Variants in PDIA4 observed in about 807,000 individuals in gnomAD.
PDIA4 encodes the protein protein disulfide-isomerase A4.
PDIA4 carries 33 observed loss-of-function variants against 62.1 expected under a neutral mutation model. That is an observed-to-expected ratio of 0.53 (90% CI 0.40 to 0.71). The LOEUF (loss-of-function observed/expected upper bound fraction) is 0.71, where lower values mean the gene tolerates loss of function less well. Among genes scored for constraint, PDIA4 ranks in the 30% least tolerant of loss-of-function variants. The pLI is 0.00. For missense variants in PDIA4, 804 were observed against 813.6 expected (o/e 0.99, Z 0.14); for synonymous variants, 341 against 324.1 (o/e 1.05, Z -0.56).
intron 3 of PDIA4, among the ~76,000 whole-genome samples, chr7:149,017,525 G>A (rs1443036815): frequency 3.3e-5 from 5 of 151,962 alleles, no homozygotes; most frequent in East Asian, 1.9e-4. Context: ...TGGAGGTTGC[G>A]GTGAGCTGAG....
chr7:149,026,047 A>G (rs756086570), intron 1 of PDIA4, among the ~76,000 whole-genome samples: 3 of 152,064 alleles, frequency 2.0e-5, no homozygotes, highest in Non-Finnish European at 4.4e-5. Flanking sequence ...AAGTACCTAG[A>G]CACCACTGTG....
At chr7:149,021,584 C>T (rs973760850) in intron 1 of PDIA4, among the ~76,000 whole-genome samples, 1 of 151,518 alleles carries the variant, frequency 6.6e-6, no homozygotes, top group African/African-American at 2.4e-5. Flanking sequence ...ACGTCATTGG[C>T]TGGTGACATC....
chr7:149,003,869 G>A lies in PDIA4; in HGVS notation c.1863C>T (p.Asp621=). 6.2e-7 allele frequency: 1 copy of A among 1,612,288 alleles called. No individual in the cohort carries two copies. ...KKNPVKFEGG[D]RDLEHLSKFI... ...ACTTGCTCAAATGCTCCAGATCTCTGTCTCCACCCTCAAATTTAACTGGGT... is the reference window on the plus strand; with the variant it reads ...ACTTGCTCAAATGCTCCAGATCTCTATCTCCACCCTCAAATTTAACTGGGT... The change falls in exon 10 of 10, where the codon GAC becomes GAT. Residue 621 remains aspartate (D), a synonymous_variant. Transcript: ENST00000652332.
In PDIA4 at chr7:149,004,012, C is replaced by A; in HGVS notation, c.1720G>T (p.Gly574Cys). Residue 574 changes from glycine to cysteine, a missense_variant, in exon 10 of 10, where the codon GGC (glycine) becomes TGC (cysteine). By Grantham distance (159) the Gly-to-Cys change is radical. Transcript: ENST00000652332. ...VYNSLAKKYK[G>C]QKGLVIAKMD... ...TTGGCGATGACCAGGCCCTTTTGGC[C>A]CTTGTACTTCTTGGCCAGGCTGTTG... 1 of 1,614,178 alleles carries A rather than the reference C, an allele frequency of 6.2e-7. No individual in the cohort carries two copies. Among genetic ancestry groups the A allele is most frequent in the East Asian group, 2.2e-5 (1 of 44,886 alleles).
In PDIA4 at chr7:149,017,685, C is replaced by T. The variant is rs376577459; in HGVS notation, c.475+1307G>A. Among the ~76,000 whole-genome samples the T allele has an allele frequency of 1.6e-4, 24 of 148,802 alleles. No individual in the cohort carries two copies. In the East Asian group the frequency reaches 2.6e-3, roughly 16 times the overall value. ...AAATACATTTTATCAAAATAAAATA[C>T]ATTTTATCAAAATAAAATTAAATAC... On this transcript the variant is annotated intron_variant, in intron 3 of 9. Transcript: ENST00000652332.
rs371567783 is a variant in PDIA4 at position 149,005,130 on chromosome 7, C to A, written c.1522+11G>T. On this transcript the variant is annotated intron_variant, in intron 9 of 9. Transcript: ENST00000652332. ...GCTGATGGGAGACCCCAGCCCCAGC[C>A]ACGGGCTCACCTTTTTTGAAAGCAG... is the stretch of plus-strand genomic sequence containing the variant. 6.9e-6 allele frequency: 11 copies of A among 1,601,024 alleles called. No homozygotes were observed. Among genetic ancestry groups the A allele is most frequent in the Admixed American group, 6.7e-5 (4 of 59,982 alleles).
Position 149,004,184 on chromosome 7 carries a change from G to A in PDIA4, c.1548C>T (p.Ser516=). 1 of 1,612,838 alleles carries A rather than the reference G, an allele frequency of 6.2e-7. No individual in the cohort carries two copies. The highest frequency in any genetic ancestry group is 2.2e-5 in the East Asian group (1 of 44,856). ...CCTTGTTGTTCTTGGGCACTGGCTG[G>A]GATTTGATGACTGGCTTCAGTTTTC... ...KKGKLKPVIK[S]QPVPKNNKGP... The change falls in exon 10 of 10, where the codon TCC becomes TCT. Residue 516 remains serine (S), a synonymous_variant. Transcript: ENST00000652332.
Position 149,028,358 on chromosome 7 carries a change from C to G in PDIA4, c.51G>C (p.Gln17His), listed in dbSNP as rs1350140234. Residue 17 changes from glutamine to histidine, a missense_variant, in exon 1 of 10, where the codon CAG (glutamine) becomes CAC (histidine). Physicochemically the swap from Gln to His is conservative, Grantham distance 24. Transcript: ENST00000652332. ...CCTCGGCACCCGCCACGGCCAGCAGCTGCACCAGCCCCAAGAGCAGCAGGA... is the reference window on the plus strand; with the variant it reads ...CCTCGGCACCCGCCACGGCCAGCAGGTGCACCAGCCCCAAGAGCAGCAGGA... ...FLLLLLLGLV[Q>H]LLAVAGAEGP... The G allele has an allele frequency of 6.5e-7, 1 of 1,527,298 alleles. No individual in the cohort carries two copies. Among genetic ancestry groups the G allele is most frequent in the Non-Finnish European group, 8.8e-7 (1 of 1,138,922 alleles). The allele number at this position is 1,527,298 out of a possible 1,614,324, so 94.6% of individuals were successfully genotyped here. A position where few individuals can be genotyped will look rare whatever the true frequency, so the allele number is the denominator to read the frequency against.
intron 2 of PDIA4, among the ~76,000 whole-genome samples, chr7:149,020,610 C>A (rs947369744): frequency 6.6e-6 from 1 of 152,178 alleles, no homozygotes; most frequent in Admixed American, 6.5e-5. Flanking sequence ...GGCAGGGTGG[C>A]CTGAGACAGG....
intron 7 of PDIA4, among the ~76,000 whole-genome samples, chr7:149,007,411 G>C (rs1004301303): frequency 2.0e-5 from 3 of 152,216 alleles, no homozygotes; most frequent in African/African-American, 7.2e-5. Flanking sequence ...CCCAATCTCA[G>C]CTCTGCTTCC....
rs190633910 is a variant in PDIA4, at chr7:149,012,536, A to T, written c.615-176T>A. On this transcript the variant is annotated intron_variant, in intron 4 of 9. Coordinates refer to ENST00000652332, the MANE Select transcript of PDIA4 (RefSeq NM_004911.5). ...GTGCTGTTGAGGGCGCTACCGCTGG[A>T]CAGACACAAACTTCATCCCACAGCA... is the stretch of plus-strand genomic sequence containing the variant. 1.2e-3 allele frequency among the ~76,000 whole-genome samples: 184 copies of T among 152,264 alleles called. 1 individual carries two copies. Among genetic ancestry groups the T allele is most frequent in the African/African-American group, 4.2e-3 (176 of 41,556 alleles).
At position 149,018,998 on chromosome 7, in the gene PDIA4, G is replaced by T; in HGVS notation, c.469C>A (p.Gln157Lys). 6.2e-7 allele frequency: 1 copy of T among 1,611,602 alleles called. No individual in the cohort carries two copies. Among genetic ancestry groups the T allele is most frequent in the Non-Finnish European group, 8.5e-7 (1 of 1,178,172 alleles). ...AGCTCAGGTACCAGCTCACCTTCCT[G>T]GGTTCTGGAGCCCTCGTAGTCTACA... is the stretch of plus-strand genomic sequence containing the variant. ...QAVDYEGSRT[Q>K]EEIVAKVREV... Residue 157 changes from glutamine (Q) to lysine (K), a missense_variant, in exon 3 of 10, where the codon CAG (glutamine) becomes AAG (lysine). Physicochemically the swap from Gln to Lys is moderately conservative, Grantham distance 53 (BLOSUM62 1). Transcript: ENST00000652332.
At chr7:149,014,280 C>T (rs1303095228) in intron 4 of PDIA4, among the ~76,000 whole-genome samples, 1 of 152,130 alleles carries the variant, frequency 6.6e-6, no homozygotes, top group Non-Finnish European at 1.5e-5. Context: ...AAAGCTTCCT[C>T]TGCTTACTGA....
chr7:149,005,252 C>G lies in PDIA4; in HGVS notation c.1411G>C (p.Gly471Arg), dbSNP rs1439393272. 1 of 1,614,036 alleles carries G rather than the reference C, an allele frequency of 6.2e-7. No homozygotes were observed. Among genetic ancestry groups the G allele is most frequent in the Admixed American group, 1.7e-5 (1 of 59,996 alleles). Reference sequence around the variant, plus strand: ...AGGATGGCGGCATTGACATCCTCCCCACTCTCGCTGAGCCCCAGGTCCTTC... The same window carrying G: ...AGGATGGCGGCATTGACATCCTCCCGACTCTCGCTGAGCCCCAGGTCCTTC... ...EVKDLGLSES[G>R]EDVNAAILDE... The change falls in exon 9 of 10, where the codon GGG (glycine) becomes CGG (arginine). Residue 471 changes from glycine to arginine, a missense_variant. Coordinates refer to ENST00000652332, the MANE Select transcript of PDIA4 (RefSeq NM_004911.5).
At position 149,028,411 on chromosome 7, in the gene PDIA4, T is replaced by C. The variant is rs1185064452; in HGVS notation, c.-3A>G. 9 of 1,498,340 alleles carry C rather than the reference T, an allele frequency of 6.0e-6. No individual in the cohort carries two copies. In the South Asian group the frequency reaches 1.1e-4, roughly 19 times the overall value. The allele number at this position is 1,498,340 out of a possible 1,614,324, so 92.8% of individuals were successfully genotyped here. ...AGGAAGGCTTTCCGGGGCCTCATGG[T>C]AGCGGGGGCGGAGCGCGGCCTCCTA... is the stretch of plus-strand genomic sequence containing the variant. On this transcript the variant is annotated 5_prime_UTR_variant, in exon 1 of 10. Coordinates refer to ENST00000652332, the MANE Select transcript of PDIA4 (RefSeq NM_004911.5).
In PDIA4 at chr7:149,014,963, C is replaced by A; in HGVS notation, c.555G>T (p.Glu185Asp). ...CATCATTCACAACTTCATCAAAGTT[C>A]TCTTTGGTCAACACAAGCGTGACTT... Reference protein sequence around the residue: ...PPEVTLVLTKENFDEVVNDAD... With the variant: ...PPEVTLVLTKDNFDEVVNDAD... Residue 185 changes from glutamate to aspartate, a missense_variant, in exon 4 of 10, where the codon GAG becomes GAT. Coordinates refer to ENST00000652332, the MANE Select transcript of PDIA4 (RefSeq NM_004911.5). The A allele has an allele frequency of 6.2e-7, 1 of 1,614,076 alleles. No individual in the cohort carries two copies. The highest frequency in any genetic ancestry group is 2.2e-5 in the East Asian group (1 of 44,892).
At chr7:149,028,166 C>A (rs1469408901) in intron 1 of PDIA4, among the ~76,000 whole-genome samples, 155 bp downstream of exon 1, 1 of 152,226 alleles carries the variant, frequency 6.6e-6, no homozygotes, top group African/African-American at 2.4e-5. Context: ...CCCGCCCCTT[C>A]AACTCCGCCA....
rs567468691 is a variant in PDIA4 at position 149,012,333 on chromosome 7, G to T, written c.642C>A (p.Pro214=). Residue 214 remains proline (P), a synonymous_variant, in exon 5 of 10, where the codon CCC becomes CCA. Coordinates refer to ENST00000652332, the MANE Select transcript of PDIA4 (RefSeq NM_004911.5). ...PWCGHCKKLA[P]EYEKAAKELS... ...GCTCCTTGGCGGCCTTCTCATACTCGGGGGCAAGTTTCTTGCAGTGTCCAC... is the reference window on the plus strand; with the variant it reads ...GCTCCTTGGCGGCCTTCTCATACTCTGGGGCAAGTTTCTTGCAGTGTCCAC... 6.2e-7 allele frequency: 1 copy of T among 1,613,500 alleles called. No individual in the cohort carries two copies. Among genetic ancestry groups the T allele is most frequent in the Non-Finnish European group, 8.5e-7 (1 of 1,179,990 alleles).
intron 6 of PDIA4, among the ~76,000 whole-genome samples, chr7:149,009,195 T>G (rs1158271358): frequency 1.3e-5 from 2 of 152,126 alleles, no homozygotes; most frequent in African/African-American, 4.8e-5. Context: ...CCTCCCCAAG[T>G]GCTGGGATTA....
Sources: allele counts gnomAD v4.1 joint callset (sites outside exome capture counted in the v4.1 genomes callset), GRCh38; gene constraint gnomAD v4.1.1; transcripts MANE v1.5; gene names NCBI Gene and HGNC (gene_info 2026-07-23, HGNC 2026-07-21).